The following TRIM44 variants were observed in gnomAD, a reference collection of about 807,000 sequenced individuals.
TRIM44 encodes the protein tripartite motif-containing protein 44.
Under a neutral mutation model 37.4 loss-of-function variants are expected in TRIM44, and 13 were observed. The observed-to-expected ratio is 0.35, with a 90% confidence interval of 0.23 to 0.55. The LOEUF is 0.55. Among genes scored for constraint, TRIM44 ranks in the 20% least tolerant of loss-of-function variants. The probability of loss-of-function intolerance (pLI) is 0.89; values close to 1 mark genes in which losing one functional copy is unlikely to be tolerated. For synonymous variants in TRIM44, 175 were observed against 157.2 expected (o/e 1.11, Z -0.85); for missense variants, 426 against 437.2 (o/e 0.97, Z 0.23).
In TRIM44 at chr11:35,812,650, C is replaced by T. The variant is rs944397537; in HGVS notation, c.*6265C>T. The T allele has an allele frequency of 6.6e-6, 1 of 152,328 alleles. No individual in the cohort carries two copies. The highest frequency in any genetic ancestry group is 1.5e-5 in the Non-Finnish European group (1 of 68,132). 9.4% of individuals were successfully genotyped at this position (152,328 alleles called of 1,614,324 possible). ...TCACAGCCTCTTTCCTTAATCTCTT[C>T]TCTCCTAGCTGCACTGATTCCATCT... On this transcript the variant is annotated 3_prime_UTR_variant, in exon 5 of 5. Coordinates refer to ENST00000299413, the MANE Select transcript of TRIM44 (RefSeq NM_017583.6).
At chr11:35,766,993 C>T (rs1852806453) in intron 4 of TRIM44, among the ~76,000 whole-genome samples, 1 of 152,202 alleles carries the variant, frequency 6.6e-6, no homozygotes, top group South Asian at 2.1e-4. Flanking sequence ...AATAGATTCT[C>T]TGATATCTGC....
chr11:35,712,176 A>G (rs1356235418), intron 2 of TRIM44, among the ~76,000 whole-genome samples: 1 of 152,160 alleles, frequency 6.6e-6, no homozygotes, highest in East Asian at 1.9e-4. Context: ...AAGCAAATGT[A>G]TCTGCCTTGG....
At chr11:35,766,567 A>C (rs1852801376) in intron 4 of TRIM44, among the ~76,000 whole-genome samples, 1 of 152,236 alleles carries the variant, frequency 6.6e-6, no homozygotes, top group African/African-American at 2.4e-5. Flanking sequence ...TTCCAAAACA[A>C]ATTCTACTTC....
chr11:35,731,033 A>G (rs916807897), intron 3 of TRIM44, among the ~76,000 whole-genome samples: 44 of 152,106 alleles, frequency 2.9e-4, no homozygotes, highest in African/African-American at 1.1e-3. Flanking sequence ...TATGCCATCT[A>G]CAAATAGAGA....
intron 1 of TRIM44, among the ~76,000 whole-genome samples, chr11:35,675,802 G>A (rs1246055306): frequency 6.6e-6 from 1 of 152,130 alleles, no homozygotes; most frequent in Non-Finnish European, 1.5e-5. Flanking sequence ...TTACAGGCAT[G>A]AGCCACTGCA....
chr11:35,750,122 A>G (rs1042262568), intron 4 of TRIM44, among the ~76,000 whole-genome samples: 3 of 152,238 alleles, frequency 2.0e-5, no homozygotes, highest in Non-Finnish European at 4.4e-5. Context: ...TGTCATTTCT[A>G]TAAAATTCAT....
At chr11:35,693,235 A>G (rs1052551871) in intron 2 of TRIM44, among the ~76,000 whole-genome samples, 3 of 152,184 alleles carry the variant, frequency 2.0e-5, no homozygotes, top group Admixed American at 6.5e-5. Flanking sequence ...GTTCATCCAC[A>G]AAGACTCAAA....
chr11:35,760,498 T>G (rs1209258475), intron 4 of TRIM44, among the ~76,000 whole-genome samples: 7 of 152,162 alleles, frequency 4.6e-5, no homozygotes, highest in Admixed American at 1.3e-4. Context: ...CTGAACCCAG[T>G]GTCCTGCACC....
intron 2 of TRIM44, among the ~76,000 whole-genome samples, chr11:35,697,142 C>T (rs1851713142): frequency 6.6e-6 from 1 of 151,380 alleles, no homozygotes; most frequent in Non-Finnish European, 1.5e-5. Context: ...TATACATGTG[C>T]CATGTTGGTG....
chr11:35,674,953 G>A (rs1851442781), intron 1 of TRIM44, among the ~76,000 whole-genome samples: 1 of 152,282 alleles, frequency 6.6e-6, no homozygotes, highest in Middle Eastern at 3.4e-3. Context: ...TTGAAAGATG[G>A]GTAGGGTGTT....
intron 3 of TRIM44, among the ~76,000 whole-genome samples, chr11:35,732,853 A>G (rs374486704): frequency 3.9e-5 from 6 of 152,184 alleles, no homozygotes; most frequent in African/African-American, 1.4e-4. Context: ...AAACGGCTTT[A>G]TAATTCATAT....
chr11:35,788,222 T>G (rs1041157411), intron 4 of TRIM44, among the ~76,000 whole-genome samples: 8 of 152,184 alleles, frequency 5.3e-5, no homozygotes, highest in Non-Finnish European at 1.2e-4. Context: ...AGACTTAGGC[T>G]GCTTATGATT....
At chr11:35,783,886 G>A (rs1008872976) in intron 4 of TRIM44, among the ~76,000 whole-genome samples, 2 of 152,152 alleles carry the variant, frequency 1.3e-5, no homozygotes, top group Admixed American at 1.3e-4. Flanking sequence ...CTGATTGAGG[G>A]ATACACGTTT....
At chr11:35,699,536 C>G (rs1851754801) in intron 2 of TRIM44, among the ~76,000 whole-genome samples, 2 of 152,000 alleles carry the variant, frequency 1.3e-5, no homozygotes, top group South Asian at 4.2e-4. Flanking sequence ...CCTTTGAAAA[C>G]TGGCACAAGA....
chr11:35,690,166 T>C (rs1851624210), intron 2 of TRIM44, among the ~76,000 whole-genome samples: 1 of 152,192 alleles, frequency 6.6e-6, no homozygotes, highest in African/African-American at 2.4e-5. Flanking sequence ...CTCTAGCCTC[T>C]AGAGGTATTC....
At chr11:35,726,468 G>A (rs1350110659) in intron 3 of TRIM44, among the ~76,000 whole-genome samples, 2 of 152,164 alleles carry the variant, frequency 1.3e-5, no homozygotes, top group African/African-American at 2.4e-5. Context: ...CAGACCCCAA[G>A]TTGTGAAATG....
chr11:35,680,478 A>G (rs557193343), intron 1 of TRIM44, among the ~76,000 whole-genome samples: 1 of 151,988 alleles, frequency 6.6e-6, no homozygotes, highest in Non-Finnish European at 1.5e-5. Context: ...TATGTCATGC[A>G]TTGTATCCAG....
At chr11:35,805,518 A>G (rs1054030198) in intron 4 of TRIM44, among the ~76,000 whole-genome samples, 1 of 152,180 alleles carries the variant, frequency 6.6e-6, no homozygotes, top group Non-Finnish European at 1.5e-5. Context: ...CCACTGAAAC[A>G]TCACTAACAT....
At chr11:35,730,213 A>G (rs1231149880) in intron 3 of TRIM44, among the ~76,000 whole-genome samples, 1 of 152,224 alleles carries the variant, frequency 6.6e-6, no homozygotes, top group African/African-American at 2.4e-5. Context: ...AGTAACTGAC[A>G]CCAAAAATTC....
Sources: allele counts gnomAD v4.1 joint callset (sites outside exome capture counted in the v4.1 genomes callset), GRCh38; gene constraint gnomAD v4.1.1; transcripts MANE v1.5; gene names NCBI Gene and HGNC (gene_info 2026-07-23, HGNC 2026-07-21).